The following PREX1 variants were observed in gnomAD, a reference collection of about 807,000 sequenced individuals.
PREX1 encodes the protein phosphatidylinositol 3,4,5-trisphosphate-dependent Rac exchanger 1 protein.
In PREX1, 41 loss-of-function variants were observed where a neutral mutation model predicts 198.3. The observed-to-expected ratio is 0.21, with a 90% confidence interval of 0.16 to 0.27. PREX1 has a LOEUF of 0.27. Among genes scored for constraint, PREX1 ranks in the 10% least tolerant of loss-of-function variants. PREX1 has a pLI of 1.00. For synonymous variants in PREX1, 843 were observed against 887.2 expected, an observed-to-expected ratio of 0.95 and a Z score of 0.89; for missense variants, 1,620 against 2,200.7, an observed-to-expected ratio of 0.74 and a Z score of 5.28.
intron 5 of PREX1, among the ~76,000 whole-genome samples, chr20:48,716,528 C>T (rs896538869): frequency 1.3e-5 from 2 of 152,196 alleles, no homozygotes; most frequent in Non-Finnish European, 2.9e-5. Flanking sequence ...TCCCAAGGCC[C>T]AGGAGAGGAC....
chr20:48,659,060 C>G (rs1195012938), intron 16 of PREX1, among the ~76,000 whole-genome samples: 2 of 149,958 alleles, frequency 1.3e-5, no homozygotes, highest in Non-Finnish European at 3.0e-5. Context: ...AAAACCCTGT[C>G]TTTATAAAAA....
At chr20:48,882,742 C>T in the PREX1 span, among the ~76,000 whole-genome samples, 1 of 151,870 alleles carries the variant, frequency 6.6e-6, no homozygotes, top group East Asian at 1.9e-4. Context: ...CTCACTGACA[C>T]TTGTTATTAT....
intron 31 of PREX1, among the ~76,000 whole-genome samples, chr20:48,637,153 T>C (rs1036406073): frequency 3.9e-5 from 6 of 152,248 alleles, no homozygotes; most frequent in Non-Finnish European, 8.8e-5. Flanking sequence ...CCCTTGCCCC[T>C]GTCCTTGACC....
chr20:48,748,477 C>T (rs1195307780), intron 1 of PREX1, among the ~76,000 whole-genome samples: 1 of 146,756 alleles, frequency 6.8e-6, no homozygotes, highest in Non-Finnish European at 1.5e-5. Flanking sequence ...ACATCTATTC[C>T]TTTTTTTTTT....
At chr20:48,686,976 G>GCCTCCCCGCCTCTT (rs1490926004) in intron 10 of PREX1, among the ~76,000 whole-genome samples, 2 of 151,998 alleles carry the variant, frequency 1.3e-5, no homozygotes, top group African/African-American at 2.4e-5. Context: ...ACCTGCTCCT[G>GCCTCCCCGCCTCTT]CCTCCCCGCC....
At chr20:48,823,674 C>A (rs995578489) in intron 1 of PREX1, among the ~76,000 whole-genome samples, 1 of 152,192 alleles carries the variant, frequency 6.6e-6, no homozygotes, top group Non-Finnish European at 1.5e-5. Flanking sequence ...GAATGGGAGT[C>A]ACAGAGGGCA....
Position 48,827,654 on chromosome 20 carries a change from G to C in PREX1, c.207C>G (p.Arg69=). 7.5e-7 allele frequency: 1 copy of C among 1,326,640 alleles called. No homozygotes were observed. 82.2% of individuals were successfully genotyped at this position (1,326,640 alleles called of 1,614,324 possible). ...GAGCGACACTCACCGACTGCAAGAA[G>C]CGCAAGGTGCCCACGTAGTCCCTCT... ...GTERDYVGTL[R]FLQSAFLHRI... is the part of the protein sequence containing the mutation. The change falls in exon 1 of 40, where the codon CGC becomes CGG. Residue 69 remains arginine, a synonymous_variant. Transcript: ENST00000371941. The surrounding 1 kb of genome is among the most constrained non-coding windows in gnomAD (Gnocchi z 4.1).
At chr20:48,681,485 G>A in intron 10 of PREX1, 150 bp from the exon 11 acceptor site, 2 of 753,812 alleles carry the variant, frequency 2.7e-6, no homozygotes, top group Non-Finnish European at 4.7e-6. Flanking sequence ...ATAGCCCTTG[G>A]GGTTGTACTG....
At chr20:48,847,371 A>AAAAAACAAAAAAAAAAC in the PREX1 span, among the ~76,000 whole-genome samples, 3 of 149,394 alleles carry the variant, frequency 2.0e-5, no homozygotes, top group African/African-American at 7.6e-5. Context: ...TTATAAAAAA[A>AAAAAACAAAAAAAAAAC]AAAAAAAAAA....
the PREX1 span, among the ~76,000 whole-genome samples, chr20:48,836,014 G>GGGTGAAAT: frequency 6.6e-6 from 1 of 152,192 alleles, no homozygotes; most frequent in Non-Finnish European, 1.5e-5. Context: ...GGGTGAAATA[G>GGGTGAAAT]AGTGAAATAG....
chr20:48,690,920 G>T, intron 9 of PREX1, 27 bp downstream of exon 9: 7 of 1,612,728 alleles, frequency 4.3e-6, no homozygotes, highest in African/African-American at 1.3e-5. Context: ...AGGGATCCCA[G>T]GCGAGCACCC....
intron 1 of PREX1, among the ~76,000 whole-genome samples, chr20:48,779,222 G>A (rs1010368143): frequency 5.9e-5 from 9 of 152,146 alleles, no homozygotes; most frequent in African/African-American, 2.2e-4. Flanking sequence ...TATATAAATG[G>A]TAAATATGCA....
intron 1 of PREX1, among the ~76,000 whole-genome samples, chr20:48,796,986 A>G (rs990985182): frequency 1.9e-4 from 29 of 152,088 alleles, no homozygotes; most frequent in Non-Finnish European, 8.8e-5. Flanking sequence ...TGCTGGCAAT[A>G]TCTGATCTGA....
intron 1 of PREX1, among the ~76,000 whole-genome samples, chr20:48,759,531 C>T (rs1601118681): frequency 9.7e-6 from 1 of 103,280 alleles, no homozygotes; most frequent in African/African-American, 3.9e-5. Flanking sequence ...GCCTGGGTAA[C>T]AGAGCAAGAT....
At chr20:48,862,790 A>ATATATATATATATAT in the PREX1 span, among the ~76,000 whole-genome samples, 7 of 102,540 alleles carry the variant, frequency 6.8e-5, no homozygotes, top group African/African-American at 3.0e-4. Context: ...TAAAAAAAAA[A>ATATATATATATATAT]ATATATATAT....
intron 1 of PREX1, among the ~76,000 whole-genome samples, chr20:48,794,919 C>T (rs2208590): frequency 0.37 from 55,712 of 152,014 alleles, 10,561 homozygotes; most frequent in Non-Finnish European, 0.4. Flanking sequence ...TTGTGACTAG[C>T]CTATGAGTTG....
Position 48,659,921 on chromosome 20 carries a change from G to A in PREX1, c.1879C>T (p.Leu627=), listed in dbSNP as rs1351771870. ...CAGCTGCTCAGCTGTGCTCCTACCA[G>A]CAGGCGCTTGGCCAGAATGTTCTCC... ...LVENILAKRL[L]ILPQEEDYGF... Residue 627 remains leucine, a splice_region_variant and synonymous_variant, in exon 16 of 40, where the codon CTG becomes TTG. Coordinates refer to ENST00000371941, the MANE Select transcript of PREX1 (RefSeq NM_020820.4). The A allele has an allele frequency of 6.2e-7, 1 of 1,614,156 alleles. No homozygotes were observed. Among genetic ancestry groups the A allele is most frequent in the East Asian group, 2.2e-5 (1 of 44,878 alleles).
At chr20:48,665,011 G>C (rs1220038174) in intron 15 of PREX1, among the ~76,000 whole-genome samples, 1 of 118,764 alleles carries the variant, frequency 8.4e-6, no homozygotes, top group Non-Finnish European at 1.7e-5. Context: ...TTCTAATCCC[G>C]ACTCCAGACG....
At chr20:48,719,304 C>T (rs995019339) in intron 5 of PREX1, among the ~76,000 whole-genome samples, 2 of 96,018 alleles carry the variant, frequency 2.1e-5, no homozygotes, top group Non-Finnish European at 4.6e-5. Context: ...GATGGCAGGA[C>T]CCCCCCCCCA....
Sources: allele counts gnomAD v4.1 joint callset (sites outside exome capture counted in the v4.1 genomes callset), GRCh38; gene constraint gnomAD v4.1.1; non-coding constraint Gnocchi (gnomAD v3.1); transcripts MANE v1.5; gene names NCBI Gene and HGNC (gene_info 2026-07-23, HGNC 2026-07-21).